The following SLC45A4 variants were observed in gnomAD, a reference collection of about 807,000 sequenced individuals.
The protein encoded by SLC45A4 is solute carrier family 45 member 4, also known as polyamine-transporter SLC45A4.
In SLC45A4, 32 loss-of-function variants were observed where a neutral mutation model predicts 63.7. That is an observed-to-expected ratio of 0.50 (90% CI 0.38 to 0.67). The LOEUF (loss-of-function observed/expected upper bound fraction) is 0.67, where lower values mean the gene tolerates loss of function less well. Among genes scored for constraint, SLC45A4 ranks in the 30% least tolerant of loss-of-function variants. The pLI is 0.00. For missense variants in SLC45A4, 1,027 were observed against 1,157.7 expected, an observed-to-expected ratio of 0.89 and a Z score of 1.64; for synonymous variants, 535 against 510.0, an observed-to-expected ratio of 1.05 and a Z score of -0.66.
At chr8:141,286,988 C>G (rs550994616) in intron 1 of SLC45A4, among the ~76,000 whole-genome samples, 106 of 152,230 alleles carry the variant, frequency 7.0e-4, no homozygotes, top group Non-Finnish European at 1.3e-3. Context: ...ATTTTTATCA[C>G]CAAATCCTAA....
intron 1 of SLC45A4, among the ~76,000 whole-genome samples, chr8:141,273,468 G>T: frequency 6.6e-6 from 1 of 152,076 alleles, no homozygotes; most frequent in East Asian, 1.9e-4. Flanking sequence ...TCTGAGTCGC[G>T]GTTACTTTAG....
At position 141,211,711 on chromosome 8, in the gene SLC45A4, AT is replaced by A; in HGVS notation, c.2302-15del. On this transcript the variant is annotated splice_polypyrimidine_tract_variant and intron_variant, in intron 8 of 8. Coordinates refer to ENST00000517878, the MANE Select transcript of SLC45A4 (RefSeq NM_001286646.2). Reference sequence around the variant, plus strand: ...ACCTGCAGGCGTCTACAGAGAGGAAATTTGATAAAAATATTTTAGTCACTGA... The same window carrying A: ...ACCTGCAGGCGTCTACAGAGAGGAAATTGATAAAAATATTTTAGTCACTGA... 1 of 1,520,814 alleles carries A rather than the reference AT, an allele frequency of 6.6e-7. No homozygotes were observed. Among genetic ancestry groups the A allele is most frequent in the Non-Finnish European group, 8.8e-7 (1 of 1,137,192 alleles). 94.2% of individuals were successfully genotyped at this position (1,520,814 alleles called of 1,614,324 possible). A position where few individuals can be genotyped will look rare whatever the true frequency, so the allele number is the denominator to read the frequency against.
At chr8:141,225,609 C>G (rs1232311879) in intron 2 of SLC45A4, 1 of 152,434 alleles carries the variant, frequency 6.6e-6, no homozygotes, top group African/African-American at 2.4e-5. Flanking sequence ...CTTTGTGCTG[C>G]CAACCCTGGG....
intron 2 of SLC45A4, among the ~76,000 whole-genome samples, chr8:141,246,281 T>G (rs572212778): frequency 3.7e-4 from 56 of 152,290 alleles, no homozygotes; most frequent in African/African-American, 1.2e-3. Context: ...CGTAACAAAC[T>G]GCACACCACC....
chr8:141,217,439 C>T (rs1053398000), intron 5 of SLC45A4, among the ~76,000 whole-genome samples: 4 of 152,226 alleles, frequency 2.6e-5, no homozygotes, highest in Non-Finnish European at 5.9e-5. Context: ...GTGTGTCTCC[C>T]GGTCCCCAGT....
chr8:141,261,026 C>T (rs1031921263), intron 1 of SLC45A4, among the ~76,000 whole-genome samples: 12 of 152,184 alleles, frequency 7.9e-5, no homozygotes, highest in Non-Finnish European at 1.5e-4. Context: ...GCTTATCCAC[C>T]ATGATCAAGT....
intron 1 of SLC45A4, among the ~76,000 whole-genome samples, chr8:141,260,179 C>T (rs1201596241): frequency 6.6e-6 from 1 of 152,200 alleles, no homozygotes; most frequent in African/African-American, 2.4e-5. Context: ...TTGATGAAAA[C>T]AACAAATATC....
At chr8:141,258,033 T>C (rs892361) in intron 1 of SLC45A4, among the ~76,000 whole-genome samples, 149,950 of 150,546 alleles carry the variant, frequency 1, 74,682 homozygotes, top group East Asian at 1. Context: ...GTCTCTGTTG[T>C]ACATTCTCCT....
At chr8:141,280,007 C>A (rs181237369) in intron 1 of SLC45A4, among the ~76,000 whole-genome samples, 3 of 152,242 alleles carry the variant, frequency 2.0e-5, no homozygotes, top group Admixed American at 1.3e-4. Context: ...GCGGCAGCAG[C>A]GGCGGCCACA....
At chr8:141,247,656 C>G (rs1043398975) in intron 2 of SLC45A4, among the ~76,000 whole-genome samples, 8 of 152,186 alleles carry the variant, frequency 5.3e-5, no homozygotes, top group African/African-American at 1.9e-4. Context: ...AAGCAATCTT[C>G]CCGCCTTGGC....
intron 1 of SLC45A4, among the ~76,000 whole-genome samples, chr8:141,291,621 T>C (rs1461083937): frequency 6.6e-6 from 1 of 152,222 alleles, no homozygotes; most frequent in Non-Finnish European, 1.5e-5. Flanking sequence ...CCACATTTTC[T>C]AGAACTGATC....
At chr8:141,282,491 C>T (rs751533902) in intron 1 of SLC45A4, among the ~76,000 whole-genome samples, 4 of 152,222 alleles carry the variant, frequency 2.6e-5, no homozygotes, top group South Asian at 2.1e-4. Context: ...TCCAGGCCGC[C>T]GCTCAGGGCA....
rs1825748019 is a variant in SLC45A4, at chr8:141,210,515, C to G, written c.*1057G>C. 1 of 152,246 alleles carries G rather than the reference C, an allele frequency of 6.6e-6. No homozygotes were observed. The highest frequency in any genetic ancestry group is 1.5e-5 in the Non-Finnish European group (1 of 68,056). 9.4% of individuals were successfully genotyped at this position (152,246 alleles called of 1,614,324 possible). A position where few individuals can be genotyped will look rare whatever the true frequency, so the allele number is the denominator to read the frequency against. The stretch of plus-strand genomic sequence containing the variant: ...AGCAGGTACCCAACTGCCACCCGGA[C>G]ACAAACACACAATCTACAAAGTGCC... On this transcript the variant is annotated 3_prime_UTR_variant, in exon 9 of 9. Coordinates refer to ENST00000517878, the MANE Select transcript of SLC45A4 (RefSeq NM_001286646.2).
intron 2 of SLC45A4, among the ~76,000 whole-genome samples, chr8:141,233,661 T>C (rs1827478627): frequency 6.6e-6 from 1 of 152,172 alleles, no homozygotes; most frequent in African/African-American, 2.4e-5. Flanking sequence ...CACTGCAATC[T>C]GGGCAACAGA....
At position 141,207,191 on chromosome 8, in the gene SLC45A4, T is replaced by C. The variant is rs1265179011; in HGVS notation, c.*4381A>G. The C allele has an allele frequency of 6.6e-6, 1 of 152,494 alleles. No homozygotes were observed. Among genetic ancestry groups the C allele is most frequent in the Non-Finnish European group, 1.5e-5 (1 of 68,252 alleles). 9.4% of individuals were successfully genotyped at this position (152,494 alleles called of 1,614,324 possible). A position where few individuals can be genotyped will look rare whatever the true frequency, so the allele number is the denominator to read the frequency against. ...TCATCATGTCAGAGGGAAAAGTTTA[T>C]TGAGTCAGCCACAGAGGAACAGAGA... On this transcript the variant is annotated 3_prime_UTR_variant, in exon 9 of 9. Transcript: ENST00000517878.
intron 2 of SLC45A4, among the ~76,000 whole-genome samples, chr8:141,239,547 C>G (rs1827797638): frequency 6.6e-6 from 1 of 150,670 alleles, no homozygotes; most frequent in African/African-American, 2.4e-5. Flanking sequence ...AAAGTAAGTG[C>G]TTACTCCAGG....
intron 2 of SLC45A4, among the ~76,000 whole-genome samples, chr8:141,247,279 T>A (rs6982240): frequency 0.56 from 85,831 of 151,996 alleles, 25,223 homozygotes; most frequent in South Asian, 0.72. Flanking sequence ...TATAGAACGA[T>A]GAACAACCAG....
intron 1 of SLC45A4, among the ~76,000 whole-genome samples, chr8:141,270,923 C>A (rs7833339): frequency 6.6e-6 from 1 of 151,922 alleles, no homozygotes; most frequent in Non-Finnish European, 1.5e-5. Context: ...AGATCCCTGA[C>A]CCCAGGGGCA....
chr8:141,294,951 C>A (rs1428820102), intron 1 of SLC45A4, among the ~76,000 whole-genome samples: 1 of 152,232 alleles, frequency 6.6e-6, no homozygotes, highest in African/African-American at 2.4e-5. Flanking sequence ...CAGGAACTGG[C>A]AGGTAATGGA....
Sources: gnomAD v4.1 joint callset for allele counts (sites outside exome capture counted in the v4.1 genomes callset) on GRCh38, gnomAD v4.1.1 for gene constraint, MANE v1.5 for transcripts, NCBI Gene and HGNC (gene_info 2026-07-23, HGNC 2026-07-21) for gene names.